Variants in ATAD1 observed in about 807,000 individuals in gnomAD.
ATAD1 encodes ATPase family AAA domain containing 1, also known as outer mitochondrial transmembrane helix translocase.
ATAD1 carries 18 observed loss-of-function variants against 42.7 expected under a neutral mutation model. The observed-to-expected ratio is 0.42, with a 90% CI of 0.29 to 0.63. The LOEUF (loss-of-function observed/expected upper bound fraction) is 0.63. Ranked by LOEUF, ATAD1 falls within the 20% of genes least tolerant of loss-of-function variation. The pLI, the probability that ATAD1 is intolerant of heterozygous loss-of-function variation, is 0.19. For missense variants in ATAD1, 294 were observed against 440.4 expected (o/e 0.67, Z 2.98); for synonymous variants, 132 against 143.1 (o/e 0.92, Z 0.55).
At chr10:87,813,057 T>C (rs976707698) in intron 2 of ATAD1, among the ~76,000 whole-genome samples, 1 of 152,222 alleles carries the variant, frequency 6.6e-6, no homozygotes, top group African/African-American at 2.4e-5. Flanking sequence ...TAATGTTTCA[T>C]ATACCTAATA....
chr10:87,778,158 A>G (rs1241831026), intron 5 of ATAD1, among the ~76,000 whole-genome samples: 2 of 148,126 alleles, frequency 1.4e-5, no homozygotes, highest in Non-Finnish European at 3.0e-5. Context: ...CAAATACATG[A>G]CTAAGATATT....
chr10:87,803,052 C>T (rs989970572), intron 2 of ATAD1, among the ~76,000 whole-genome samples: 5 of 152,222 alleles, frequency 3.3e-5, no homozygotes, highest in African/African-American at 7.2e-5. Flanking sequence ...TAGTTACATA[C>T]ATAAGCCACT....
At chr10:87,771,155 T>C (rs886981600) in intron 6 of ATAD1, 114 bp from the exon 7 acceptor site, 6 of 676,012 alleles carry the variant, frequency 8.9e-6, no homozygotes, top group Non-Finnish European at 9.5e-6. Context: ...AAATCCTTTG[T>C]AAGAAATCTG....
rs1854057039 is a variant in ATAD1, at chr10:87,752,489, TTAAGA to T, written c.*2193_*2197del. 6.6e-6 allele frequency: 1 copy of T among 152,138 alleles called. No homozygotes were observed. Among genetic ancestry groups the T allele is most frequent in the South Asian group, 2.1e-4 (1 of 4,832 alleles). The allele number at this position is 152,138 out of a possible 1,614,324, so 9.4% of individuals were successfully genotyped here. ...ATGCATTATTTTATTATCCAACCCTTTAAGATGAGTGCCACTGTTGCCCCATTTTA... is the reference window on the plus strand; with the variant it reads ...ATGCATTATTTTATTATCCAACCCTTTGAGTGCCACTGTTGCCCCATTTTA... On this transcript the variant is annotated 3_prime_UTR_variant, in exon 10 of 10. Transcript: ENST00000680024.
upstream of ATAD1, chr10:87,818,776 T>A (rs1184318554): frequency 6.6e-6 from 1 of 152,176 alleles, no homozygotes; most frequent in Non-Finnish European, 1.5e-5. Flanking sequence ...CGCCTGACAA[T>A]CTTTCCGCGA....
intron 1 of ATAD1, chr10:87,832,255 A>C (rs1415395727): frequency 6.6e-6 from 1 of 151,976 alleles, no homozygotes; most frequent in Non-Finnish European, 1.5e-5. Context: ...TTATCAGGGT[A>C]TGGTGACCCA....
intron 1 of ATAD1, among the ~76,000 whole-genome samples, chr10:87,841,018 A>G (rs910402313): frequency 1.1e-4 from 17 of 152,294 alleles, no homozygotes; most frequent in African/African-American, 3.4e-4. Context: ...TGCTAGCATG[A>G]GAAGTACAAA....
At chr10:87,799,460 T>C (rs1050860366) in intron 2 of ATAD1, among the ~76,000 whole-genome samples, 95 of 152,228 alleles carry the variant, frequency 6.2e-4, no homozygotes, top group African/African-American at 2.3e-3. Context: ...TGTTATTGCC[T>C]TTGTTTCAAA....
intron 8 of ATAD1, among the ~76,000 whole-genome samples, chr10:87,763,080 CAAAA>C (rs71019501): frequency 7.5e-5 from 2 of 26,530 alleles, no homozygotes; most frequent in South Asian, 3.0e-3. Context: ...GACTCTGTCA[CAAAA>C]AAAAAAAAAA....
At chr10:87,774,840 A>G (rs1206934670) in intron 6 of ATAD1, among the ~76,000 whole-genome samples, 1 of 151,928 alleles carries the variant, frequency 6.6e-6, no homozygotes, top group Non-Finnish European at 1.5e-5. Context: ...GTAGTCCCAG[A>G]GACTTGGGGT....
At chr10:87,758,576 T>TA (rs1854333603) in intron 8 of ATAD1, among the ~76,000 whole-genome samples, 3 of 152,070 alleles carry the variant, frequency 2.0e-5, no homozygotes, top group Non-Finnish European at 4.4e-5. Flanking sequence ...AGACAATACT[T>TA]ATGCTAAAGG....
chr10:87,783,636 G>A (rs900624944), intron 5 of ATAD1, among the ~76,000 whole-genome samples: 7 of 151,128 alleles, frequency 4.6e-5, no homozygotes, highest in Non-Finnish European at 7.4e-5. Flanking sequence ...TAATAATACT[G>A]TATTAGTATA....
rs1333121140 is a variant in ATAD1, at chr10:87,790,323, C to T, written c.369G>A (p.Leu123=). Residue 123 remains leucine (L), a synonymous_variant, in exon 4 of 10, where the codon CTG becomes CTA. Coordinates refer to ENST00000680024, the MANE Select transcript of ATAD1 (RefSeq NM_001321967.2). ...KKHLFENSRL[L]QPPKGVLLYG... ...CCTTTACCATACCTTTTGGAGGCTG[C>T]AGAAGCCTGGAATTCTCAAACAAAT... 4 of 1,612,274 alleles carry T rather than the reference C, an allele frequency of 2.5e-6. No individual in the cohort carries two copies. The highest frequency in any genetic ancestry group is 3.4e-6 in the Non-Finnish European group (4 of 1,179,618).
chr10:87,776,417 T>C lies in ATAD1; in HGVS notation c.594A>G (p.Leu198=), dbSNP rs774391881. Residue 198 remains leucine (L), a synonymous_variant, in exon 6 of 10, where the codon CTA becomes CTG. Coordinates refer to ENST00000680024, the MANE Select transcript of ATAD1 (RefSeq NM_001321967.2). ...CATGGTCAGAACTTGAACGGTTTCG[T>C]AGAAAGGAGTCTAGAAGTAAAAGGT... The part of the protein sequence containing the change: ...IIFIDEIDSF[L]RNRSSSDHEA... 1.9e-6 allele frequency: 3 copies of C among 1,612,750 alleles called. No homozygotes were observed. The highest frequency in any genetic ancestry group is 1.7e-5 in the Admixed American group (1 of 59,942).
At chr10:87,797,950 T>G (rs574059139) in intron 2 of ATAD1, among the ~76,000 whole-genome samples, 3 of 152,268 alleles carry the variant, frequency 2.0e-5, no homozygotes, top group Non-Finnish European at 2.9e-5. Flanking sequence ...AAGGGTGTTT[T>G]GCTCCCCCCA....
intron 2 of ATAD1, among the ~76,000 whole-genome samples, chr10:87,812,366 TC>T (rs1314322499): frequency 3.9e-5 from 6 of 152,242 alleles, no homozygotes; most frequent in African/African-American, 1.4e-4. Flanking sequence ...AACCTCTGCC[TC>T]CCGGGTTCAA....
intron 5 of ATAD1, among the ~76,000 whole-genome samples, chr10:87,780,826 A>G (rs1855528481): frequency 6.6e-6 from 1 of 152,214 alleles, no homozygotes; most frequent in African/African-American, 2.4e-5. Flanking sequence ...AGATGCTTGG[A>G]AGGATTAACA....
intron 8 of ATAD1, among the ~76,000 whole-genome samples, chr10:87,767,264 CT>C (rs1480685117): frequency 6.6e-6 from 1 of 152,054 alleles, no homozygotes; most frequent in Non-Finnish European, 1.5e-5. Flanking sequence ...GTGCCTCAGC[CT>C]TTTTGGCATC....
intron 1 of ATAD1, among the ~76,000 whole-genome samples, chr10:87,838,735 A>ATT (rs145812000): frequency 0.061 from 9,271 of 151,382 alleles, 367 homozygotes; most frequent in Admixed American, 0.12. Flanking sequence ...GCTCATTCAT[A>ATT]TTCTCTCTCT....
Sources: gnomAD v4.1 joint callset for allele counts (sites outside exome capture counted in the v4.1 genomes callset) on GRCh38, gnomAD v4.1.1 for gene constraint, MANE v1.5 for transcripts, NCBI Gene and HGNC (gene_info 2026-07-23, HGNC 2026-07-21) for gene names.